The following PRKG1 variants were observed in gnomAD, a reference collection of about 807,000 sequenced individuals.
PRKG1 encodes cGMP-dependent protein kinase 1.
Under a neutral mutation model 88.1 loss-of-function variants are expected in PRKG1, and 35 were observed. The observed-to-expected ratio is 0.40, with a 90% CI of 0.30 to 0.53. The LOEUF (loss-of-function observed/expected upper bound fraction) is 0.53, where lower values mean the gene tolerates loss of function less well. Ranked by LOEUF, PRKG1 falls within the 20% of genes least tolerant of loss-of-function variation. The pLI is 0.59. For missense variants in PRKG1, 540 were observed against 839.8 expected, an observed-to-expected ratio of 0.64 and a Z score of 4.41; for synonymous variants, 303 against 292.5, an observed-to-expected ratio of 1.04 and a Z score of -0.37.
intron 3 of PRKG1, among the ~76,000 whole-genome samples, chr10:51,569,984 T>A (rs1837704218): frequency 6.7e-6 from 1 of 150,372 alleles, no homozygotes; most frequent in African/African-American, 2.5e-5. Flanking sequence ...TTGAATAGAT[T>A]AATTTAGATC....
chr10:51,917,205 C>T (rs1051696426), intron 5 of PRKG1, among the ~76,000 whole-genome samples: 1 of 151,514 alleles, frequency 6.6e-6, no homozygotes, highest in Non-Finnish European at 1.5e-5. Flanking sequence ...TGTAGTCCTA[C>T]CTACTCAGGA....
At chr10:51,887,612 T>A (rs1288597083) in intron 4 of PRKG1, among the ~76,000 whole-genome samples, 1 of 152,260 alleles carries the variant, frequency 6.6e-6, no homozygotes, top group African/African-American at 2.4e-5. Context: ...TCTTTTTTGA[T>A]AACAGACATT....
At chr10:51,541,857 T>C (rs1203097571) in intron 3 of PRKG1, among the ~76,000 whole-genome samples, 1 of 152,216 alleles carries the variant, frequency 6.6e-6, no homozygotes, top group East Asian at 1.9e-4. Flanking sequence ...TTAAAATCTT[T>C]TTAAAATAAT....
chr10:51,677,801 G>A (rs1012274589), intron 3 of PRKG1, among the ~76,000 whole-genome samples: 2 of 152,158 alleles, frequency 1.3e-5, no homozygotes, highest in African/African-American at 4.8e-5. Flanking sequence ...AGGTTTTTGT[G>A]TATGTTAAGT....
At chr10:51,360,088 G>A (rs1047371678) in intron 2 of PRKG1, among the ~76,000 whole-genome samples, 7 of 152,018 alleles carry the variant, frequency 4.6e-5, no homozygotes, top group African/African-American at 1.2e-4. Context: ...TTTTATTAAA[G>A]CTAATTAGAT....
At chr10:51,271,350 T>G (rs1839975762) in intron 2 of PRKG1, among the ~76,000 whole-genome samples, 1 of 152,134 alleles carries the variant, frequency 6.6e-6, no homozygotes, top group Non-Finnish European at 1.5e-5. Flanking sequence ...TTCATCTAGT[T>G]TCCCATGGAT....
In PRKG1 at chr10:51,671,032, C is replaced by A. The variant is rs550726386; in HGVS notation, c.593-133553C>A. Among the ~76,000 whole-genome samples, 96 of 151,964 alleles carry A rather than the reference C, an allele frequency of 6.3e-4. 1 individual carries two copies. In the South Asian group the frequency reaches 0.019, roughly 30 times the overall value. ...CCTATTTATTTTGTCACCATTTTATCTTATATTTTAGAGATTTTTTTATGG... is the reference window on the plus strand; with the variant it reads ...CCTATTTATTTTGTCACCATTTTATATTATATTTTAGAGATTTTTTTATGG... On this transcript the variant is annotated intron_variant, in intron 3 of 17. Transcript: ENST00000373980.
chr10:51,601,130 A>G (rs749943477), intron 3 of PRKG1, among the ~76,000 whole-genome samples: 1 of 152,084 alleles, frequency 6.6e-6, no homozygotes, highest in Non-Finnish European at 1.5e-5. Flanking sequence ...ATTATAATTA[A>G]TTTGAGAATA....
chr10:51,551,027 C>A (rs1837116702), intron 3 of PRKG1, among the ~76,000 whole-genome samples: 1 of 151,770 alleles, frequency 6.6e-6, no homozygotes, highest in Non-Finnish European at 1.5e-5. Flanking sequence ...AAAATAGTAC[C>A]ATGATATACA....
At chr10:51,957,876 A>G (rs934171701) in intron 5 of PRKG1, among the ~76,000 whole-genome samples, 1 of 152,190 alleles carries the variant, frequency 6.6e-6, no homozygotes, top group Admixed American at 6.5e-5. Context: ...TCTGTAAGCT[A>G]TCTGAAGTCC....
chr10:52,084,440 G>T (rs991270145), intron 7 of PRKG1, among the ~76,000 whole-genome samples: 1 of 151,914 alleles, frequency 6.6e-6, no homozygotes, highest in Non-Finnish European at 1.5e-5. Flanking sequence ...ATTTGAAAAA[G>T]TTGCAAATTA....
chr10:51,202,191 C>T (rs1837929025), intron 2 of PRKG1, among the ~76,000 whole-genome samples: 2 of 152,274 alleles, frequency 1.3e-5, no homozygotes, highest in South Asian at 4.1e-4. Context: ...GTGGGAGGTG[C>T]CCAGCCCAGA....
At position 51,523,882 on chromosome 10, in the gene PRKG1, G is replaced by C. The variant is rs529854210; in HGVS notation, c.592+56046G>C. Among the ~76,000 whole-genome samples, 62 of 152,266 alleles carry C rather than the reference G, an allele frequency of 4.1e-4. No homozygotes were observed. In the South Asian group the frequency reaches 4.6e-3, roughly 11 times the overall value. ...ATGTTTTTAATTTGATAATTGATAT[G>C]GTTTGGATCTATATGCCCACCCAAA... On this transcript the variant is annotated intron_variant, in intron 3 of 17. Transcript: ENST00000373980.
At chr10:51,915,535 A>G (rs74135041) in intron 5 of PRKG1, among the ~76,000 whole-genome samples, 3,015 of 150,364 alleles carry the variant, frequency 0.02, 94 homozygotes, top group African/African-American at 0.07. Context: ...GAGTTGGAAG[A>G]TGTGTGTGTG....
At chr10:51,893,915 A>G (rs544951315) in intron 4 of PRKG1, among the ~76,000 whole-genome samples, 1 of 152,250 alleles carries the variant, frequency 6.6e-6, no homozygotes, top group East Asian at 1.9e-4. Context: ...AGGACTTTCA[A>G]TGAATTTATA....
chr10:52,106,691 G>A (rs1001531686), intron 7 of PRKG1, among the ~76,000 whole-genome samples: 10 of 144,014 alleles, frequency 6.9e-5, no homozygotes, highest in Admixed American at 3.6e-4. Flanking sequence ...GCAGCAGAGC[G>A]AGACTCTGTC....
chr10:52,042,327 A>T lies in PRKG1; in HGVS notation c.763-12157A>T, dbSNP rs1845771698. On this transcript the variant is annotated intron_variant, in intron 5 of 17. Coordinates refer to ENST00000373980, the MANE Select transcript of PRKG1 (RefSeq NM_006258.4). ...ATCACACTACCTGACTTCAAAATAC[A>T]CTAACAAGCTATAGTAACCAAAACA... Among the ~76,000 whole-genome samples, 2 of 152,186 alleles carry T rather than the reference A, an allele frequency of 1.3e-5. 1 individual carries two copies. The highest frequency in any genetic ancestry group is 2.9e-5 in the Non-Finnish European group (2 of 68,006).
At chr10:51,767,602 A>G (rs922812825) in intron 3 of PRKG1, among the ~76,000 whole-genome samples, 3 of 151,998 alleles carry the variant, frequency 2.0e-5, no homozygotes, top group African/African-American at 7.3e-5. Context: ...CCTCATCCAC[A>G]TTATGTAATT....
At chr10:51,971,167 G>A (rs990170879) in intron 5 of PRKG1, among the ~76,000 whole-genome samples, 1 of 151,818 alleles carries the variant, frequency 6.6e-6, no homozygotes, top group Non-Finnish European at 1.5e-5. Context: ...TTTTGGAGGG[G>A]GTGTAGTGAT....
Sources: allele counts gnomAD v4.1 joint callset (sites outside exome capture counted in the v4.1 genomes callset), GRCh38; gene constraint gnomAD v4.1.1; transcripts MANE v1.5; gene names NCBI Gene and HGNC (gene_info 2026-07-23, HGNC 2026-07-21).